The following MACROH2A2 variants were observed in gnomAD, a reference collection of about 807,000 sequenced individuals.
The protein encoded by MACROH2A2 is macroH2A.2 histone.
MACROH2A2 carries 6 observed loss-of-function variants against 37.6 expected under a neutral mutation model. The ratio of observed to expected loss-of-function variants is 0.16; its 90% CI spans 0.09 to 0.32. The LOEUF (loss-of-function observed/expected upper bound fraction) is 0.32. Among genes scored for constraint, MACROH2A2 ranks in the 10% least tolerant of loss-of-function variants. The pLI is 1.00. For synonymous variants in MACROH2A2, 192 were observed against 202.7 expected, an observed-to-expected ratio of 0.95 and a Z score of 0.45; for missense variants, 290 against 485.9, an observed-to-expected ratio of 0.60 and a Z score of 3.79.
intron 1 of MACROH2A2, among the ~76,000 whole-genome samples, chr10:70,066,405 G>A (rs1431882197): frequency 3.3e-5 from 5 of 152,166 alleles, no homozygotes; most frequent in Non-Finnish European, 7.3e-5. Flanking sequence ...AACAAAACAA[G>A]GGAGAAAACC....
intron 6 of MACROH2A2, chr10:70,099,207 A>G (rs1231702541): frequency 6.6e-6 from 1 of 151,884 alleles, no homozygotes; most frequent in Admixed American, 6.6e-5. Context: ...AACAAAGAAA[A>G]CCCCTCTGCA....
chr10:70,108,684 C>CCATT (rs2072351760), intron 7 of MACROH2A2, among the ~76,000 whole-genome samples: 1 of 152,176 alleles, frequency 6.6e-6, no homozygotes, highest in African/African-American at 2.4e-5. Flanking sequence ...TTTTGGGATG[C>CCATT]CATTACTTTA....
Position 70,075,501 on chromosome 10 carries a change from G to A in MACROH2A2, c.-59-99G>A. 3 of 675,352 alleles carry A rather than the reference G, an allele frequency of 4.4e-6. No homozygotes were observed. The allele number at this position is 675,352 out of a possible 1,614,324, so 41.8% of individuals were successfully genotyped here. A position where few individuals can be genotyped will look rare whatever the true frequency, so the allele number is the denominator to read the frequency against. On this transcript the variant is annotated intron_variant, in intron 1 of 8. Transcript: ENST00000373255. This position sits in a 1 kb window ranked among gnomAD's most constrained non-coding sequence, Gnocchi z 5.0. ...AGCCAGATTTCAGCTGCCTCCCCAGGGCAGTCAGAGGTGTCACAGTGGTGC... is the reference window on the plus strand; with the variant it reads ...AGCCAGATTTCAGCTGCCTCCCCAGAGCAGTCAGAGGTGTCACAGTGGTGC...
In MACROH2A2 at chr10:70,075,025, C is replaced by G. The variant is rs974179750; in HGVS notation, c.-59-575C>G. Among the ~76,000 whole-genome samples, 12 of 152,156 alleles carry G rather than the reference C, an allele frequency of 7.9e-5. No individual in the cohort carries two copies. The highest frequency in any genetic ancestry group is 4.6e-4 in the Admixed American group (7 of 15,274). The stretch of plus-strand genomic sequence containing the variant: ...TCTTATAGTTCAGGGGTCAGAAGTC[C>G]AAAATTAGCCTTACTGGGCTAAAGT... On this transcript the variant is annotated intron_variant, in intron 1 of 8. Coordinates refer to ENST00000373255, the MANE Select transcript of MACROH2A2 (RefSeq NM_018649.3). This position sits in a 1 kb window ranked among gnomAD's most constrained non-coding sequence, Gnocchi z 5.0.
intron 2 of MACROH2A2, among the ~76,000 whole-genome samples, chr10:70,082,234 A>G (rs1404561930): frequency 6.6e-6 from 1 of 152,122 alleles, no homozygotes; most frequent in Non-Finnish European, 1.5e-5. Flanking sequence ...AGCCTGACCA[A>G]CATGGAGAAA....
intron 1 of MACROH2A2, among the ~76,000 whole-genome samples, chr10:70,057,447 T>G (rs550539905): frequency 6.6e-6 from 1 of 152,316 alleles, no homozygotes; most frequent in Admixed American, 6.5e-5. Context: ...TTTCCAACAT[T>G]GCAATGACTA....
intron 8 of MACROH2A2, among the ~76,000 whole-genome samples, chr10:70,109,863 A>C (rs936217929): frequency 6.6e-6 from 1 of 152,206 alleles, no homozygotes; most frequent in Non-Finnish European, 1.5e-5. Context: ...ATACATAATG[A>C]GGATATCTGC....
chr10:70,083,397 C>G (rs1001115646), intron 2 of MACROH2A2, among the ~76,000 whole-genome samples: 3 of 152,202 alleles, frequency 2.0e-5, no homozygotes, highest in African/African-American at 7.2e-5. Context: ...TTCACCCCCA[C>G]ATGAACTGGA....
rs2072336511 is a variant in MACROH2A2, at chr10:70,106,175, G to A, written c.779-2858G>A. 2.6e-5 allele frequency among the ~76,000 whole-genome samples: 4 copies of A among 152,198 alleles called. 1 individual carries two copies. In the South Asian group the frequency reaches 8.3e-4, roughly 32 times the overall value. Reference sequence around the variant, plus strand: ...CAAGAACTGTGATGGCTCACCTGGGGGAAGGTTCTAGAAGCTCCCAGCAGC... The same window carrying A: ...CAAGAACTGTGATGGCTCACCTGGGAGAAGGTTCTAGAAGCTCCCAGCAGC... On this transcript the variant is annotated intron_variant, in intron 7 of 8. Transcript: ENST00000373255.
At chr10:70,095,555 A>G in intron 5 of MACROH2A2, 99 bp from the exon 6 acceptor site, 3 of 671,724 alleles carry the variant, frequency 4.5e-6, no homozygotes, top group Non-Finnish European at 8.1e-6. Flanking sequence ...GACATTGGGT[A>G]TGAATAATTA....
At chr10:70,066,831 G>GT (rs2072081861) in intron 1 of MACROH2A2, among the ~76,000 whole-genome samples, 2 of 152,168 alleles carry the variant, frequency 1.3e-5, no homozygotes, top group Non-Finnish European at 2.9e-5. Context: ...CACCTTCCCA[G>GT]CTGAGACTGC....
chr10:70,055,719 G>C (rs2072011501), intron 1 of MACROH2A2, among the ~76,000 whole-genome samples: 2 of 152,158 alleles, frequency 1.3e-5, no homozygotes, highest in Admixed American at 1.3e-4. Context: ...TAACCAATTG[G>C]AAGAGCAGTT....
intron 8 of MACROH2A2, 108 bp from the exon 9 acceptor site, chr10:70,111,410 C>A: frequency 1.1e-6 from 1 of 947,066 alleles, no homozygotes; most frequent in Non-Finnish European, 1.6e-6. Flanking sequence ...CATGCATGGA[C>A]TAGCCCTGCA....
intron 2 of MACROH2A2, among the ~76,000 whole-genome samples, chr10:70,079,287 A>C (rs550453494): frequency 1.9e-4 from 28 of 150,974 alleles, no homozygotes; most frequent in African/African-American, 6.1e-4. Flanking sequence ...GTGCATCAGG[A>C]TTCTTAAAAG....
chr10:70,053,259 G>A lies in MACROH2A2; in HGVS notation c.-60+259G>A, dbSNP rs1461337653. On this transcript the variant is annotated intron_variant, in intron 1 of 8. Coordinates refer to ENST00000373255, the MANE Select transcript of MACROH2A2 (RefSeq NM_018649.3). The surrounding 1 kb of genome is among the most constrained non-coding windows in gnomAD (Gnocchi z 4.8). Reference sequence around the variant, plus strand: ...TTCCTGCGGCCAGCGAGGGGCCGGGGGCGTCGAGGGTACTGAGAGGGGAAG... The same window carrying A: ...TTCCTGCGGCCAGCGAGGGGCCGGGAGCGTCGAGGGTACTGAGAGGGGAAG... 6.6e-6 allele frequency among the ~76,000 whole-genome samples: 1 copy of A among 152,190 alleles called. No individual in the cohort carries two copies. The highest frequency in any genetic ancestry group is 2.4e-5 in the African/African-American group (1 of 41,464).
At chr10:70,062,517 C>G (rs559244497) in intron 1 of MACROH2A2, among the ~76,000 whole-genome samples, 2 of 152,102 alleles carry the variant, frequency 1.3e-5, no homozygotes, top group African/African-American at 4.8e-5. Flanking sequence ...GCTCTAAGAT[C>G]TCTTATTTCT....
intron 4 of MACROH2A2, among the ~76,000 whole-genome samples, chr10:70,092,839 A>G (rs1311304922): frequency 6.6e-6 from 1 of 152,178 alleles, no homozygotes; most frequent in Non-Finnish European, 1.5e-5. Context: ...AGTCTCCTGC[A>G]GGCATTCCCT....
At chr10:70,056,414 G>T (rs1216892617) in intron 1 of MACROH2A2, among the ~76,000 whole-genome samples, 1 of 152,140 alleles carries the variant, frequency 6.6e-6, no homozygotes, top group Non-Finnish European at 1.5e-5. Context: ...AAAGTGCTGG[G>T]ATTACAGGCG....
At chr10:70,089,869 C>G (rs2072233343) in intron 2 of MACROH2A2, among the ~76,000 whole-genome samples, 191 bp from the exon 3 acceptor site, 1 of 152,012 alleles carries the variant, frequency 6.6e-6, no homozygotes, top group East Asian at 1.9e-4. Flanking sequence ...CTCAAGCGAT[C>G]CTCCTGCCTC....
Sources: allele counts gnomAD v4.1 joint callset (sites outside exome capture counted in the v4.1 genomes callset), GRCh38; gene constraint gnomAD v4.1.1; non-coding constraint Gnocchi (gnomAD v3.1); transcripts MANE v1.5; gene names NCBI Gene and HGNC (gene_info 2026-07-23, HGNC 2026-07-21).